Variants in CFAP54 observed in about 807,000 individuals in gnomAD.
The protein encoded by CFAP54 is cilia- and flagella-associated protein 54.
A neutral mutation model predicts 370.4 loss-of-function variants in CFAP54; 290 were observed. That is an observed-to-expected ratio of 0.78 (90% CI 0.71 to 0.86). CFAP54 has a LOEUF of 0.86. Among genes scored for constraint, CFAP54 ranks in the 40% least tolerant of loss-of-function variants. The pLI is 0.00. For synonymous variants in CFAP54, 1,206 were observed against 1,236.5 expected, an observed-to-expected ratio of 0.98 and a Z score of 0.52; for missense variants, 3,399 against 3,528.7, an observed-to-expected ratio of 0.96 and a Z score of 0.93.
At position 96,641,943 on chromosome 12, in the gene CFAP54, G is replaced by C. The variant is rs571257788; in HGVS notation, c.4317-2235G>C. Among the ~76,000 whole-genome samples, 6 of 111,410 alleles carry C rather than the reference G, an allele frequency of 5.4e-5. No individual in the cohort carries two copies. In the South Asian group the frequency reaches 1.8e-3, roughly 34 times the overall value. 73.1% of individuals were successfully genotyped at this position (111,410 alleles called of 152,430 possible). A position where few individuals can be genotyped will look rare whatever the true frequency, so the allele number is the denominator to read the frequency against. The stretch of plus-strand genomic sequence containing the variant: ...GGGCCTGTTGTGGGGTGGTGCGGGG[G>C]GGGAGGGATAGCATTAGGAGATATA... On this transcript the variant is annotated intron_variant, in intron 32 of 67. Transcript: ENST00000524981.
intron 55 of CFAP54, among the ~76,000 whole-genome samples, chr12:96,745,475 C>T (rs570791936): frequency 2.3e-4 from 35 of 152,018 alleles, no homozygotes; most frequent in African/African-American, 8.4e-4. Flanking sequence ...TGGCTGCATG[C>T]ATGTCTTTTG....
rs965518204 is a variant in CFAP54 at position 96,738,952 on chromosome 12, G to A, written c.6966-1004G>A. 1.3e-4 allele frequency among the ~76,000 whole-genome samples: 20 copies of A among 152,224 alleles called. 1 individual carries two copies. Among genetic ancestry groups the A allele is most frequent in the Admixed American group, 1.1e-3 (17 of 15,294 alleles). The stretch of plus-strand genomic sequence containing the variant: ...AGAAACAACAGTCATATTGGATTAC[G>A]ACCCAGCCTAATGTCCTCATTTTAA... On this transcript the variant is annotated intron_variant, in intron 50 of 67. Coordinates refer to ENST00000524981, the MANE Select transcript of CFAP54 (RefSeq NM_001306084.2).
At position 96,581,079 on chromosome 12, in the gene CFAP54, A is replaced by G. The variant is rs1452935585; in HGVS notation, c.3049A>G (p.Ile1017Val). Residue 1017 changes from isoleucine (I) to valine (V), a missense_variant, in exon 22 of 68, where the codon ATT becomes GTT. This residue lies in a region of CFAP54 where 2,796 missense variants were observed against 2,869.7 expected (regional missense o/e 0.97). Transcript: ENST00000524981. ...PILVYPPLST[I>V]TARMFLTQVA... ...TCTGGTTTATCCCCCTCTTTCTACT[A>G]TTACTGCTCGGATGTTCCTGACACA... is the stretch of plus-strand genomic sequence containing the variant. 4.0e-6 allele frequency: 6 copies of G among 1,516,088 alleles called. No homozygotes were observed. Among genetic ancestry groups the G allele is most frequent in the South Asian group, 2.5e-5 (2 of 80,974 alleles). The allele number at this position is 1,516,088 out of a possible 1,614,324, so 93.9% of individuals were successfully genotyped here. A position where few individuals can be genotyped will look rare whatever the true frequency, so the allele number is the denominator to read the frequency against.
intron 8 of CFAP54, among the ~76,000 whole-genome samples, chr12:96,525,143 ATAT>A (rs974023850): frequency 4.1e-5 from 6 of 147,252 alleles, no homozygotes; most frequent in African/African-American, 1.2e-4. Flanking sequence ...TATTATTTTG[ATAT>A]TATTATTTGT....
At chr12:96,521,503 C>CGTGTGTGTGTGTGT (rs10554608) in intron 6 of CFAP54, among the ~76,000 whole-genome samples, 3 of 129,580 alleles carry the variant, frequency 2.3e-5, no homozygotes, top group South Asian at 2.6e-4. Context: ...CAACTGAGGA[C>CGTGTGTGTGTGTGT]GTGTGTGTGT....
chr12:96,619,647 T>G (rs1391316786), intron 26 of CFAP54, among the ~76,000 whole-genome samples: 2 of 152,216 alleles, frequency 1.3e-5, no homozygotes, highest in Admixed American at 6.5e-5. Flanking sequence ...AAAAAATTCT[T>G]TATCATTTAT....
chr12:96,645,477 A>G (rs549493677), intron 33 of CFAP54: 95 of 175,262 alleles, frequency 5.4e-4, no homozygotes, highest in Non-Finnish European at 1.0e-3. Flanking sequence ...AGAACATTCC[A>G]TGCTTAGGGA....
At chr12:96,533,304 T>C (rs1297993627) in intron 9 of CFAP54, among the ~76,000 whole-genome samples, 1 of 152,210 alleles carries the variant, frequency 6.6e-6, no homozygotes, top group African/African-American at 2.4e-5. Context: ...TATGTGTTAC[T>C]GTTGAGTACT....
At chr12:96,679,793 G>A (rs745642055) in intron 40 of CFAP54, 41 bp downstream of exon 40, 5 of 1,593,618 alleles carry the variant, frequency 3.1e-6, no homozygotes, top group Non-Finnish European at 4.3e-6. Flanking sequence ...TTCTTTATGT[G>A]GGGTGACCAC....
At chr12:96,706,271 G>A (rs1268014203) in intron 47 of CFAP54, among the ~76,000 whole-genome samples, 1 of 152,152 alleles carries the variant, frequency 6.6e-6, no homozygotes, top group Admixed American at 6.5e-5. Flanking sequence ...AATAAATGCA[G>A]CTGTGCATAA....
At chr12:96,651,082 A>G (rs79457807) in intron 35 of CFAP54, among the ~76,000 whole-genome samples, 148 of 152,320 alleles carry the variant, frequency 9.7e-4, no homozygotes, top group African/African-American at 3.2e-3. Context: ...CTCAAATGCT[A>G]CCTCATCAGA....
At chr12:96,623,689 A>G in intron 27 of CFAP54, 78 bp from the exon 28 acceptor site, 1 of 695,654 alleles carries the variant, frequency 1.4e-6, no homozygotes, top group Non-Finnish European at 2.4e-6. Context: ...TGAAAACATA[A>G]TTTAAAGAAT....
intron 32 of CFAP54, among the ~76,000 whole-genome samples, chr12:96,635,960 T>C (rs1434250864): frequency 6.6e-6 from 1 of 152,078 alleles, no homozygotes; most frequent in East Asian, 1.9e-4. Flanking sequence ...TCAAGACTTT[T>C]CATAACCTGG....
At position 96,784,864 on chromosome 12, in the gene CFAP54, G is replaced by C; in HGVS notation, c.8429G>C (p.Arg2810Thr). 1 of 1,525,912 alleles carries C rather than the reference G, an allele frequency of 6.6e-7. No individual in the cohort carries two copies. The allele number at this position is 1,525,912 out of a possible 1,614,324, so 94.5% of individuals were successfully genotyped here. A position where few individuals can be genotyped will look rare whatever the true frequency, so the allele number is the denominator to read the frequency against. Residue 2810 changes from arginine (R) to threonine (T), a missense_variant, in exon 61 of 68, where the codon AGG (arginine) becomes ACG (threonine). Physicochemically the swap from Arg to Thr is moderately conservative, Grantham distance 71. Around this residue, in one of 3 missense-constraint regions of CFAP54, gnomAD observed 2,796 missense variants for 2,869.7 expected, o/e 0.97. Transcript: ENST00000524981. ...CTGCGCTACTATATTCACCTTCAGA[G>C]GATTAATAATCTGAGCAAACTGCTA... ...LLLRYYIHLQRINNLSKLLAS... is the reference protein window; with the variant it reads ...LLLRYYIHLQTINNLSKLLAS...
intron 66 of CFAP54, among the ~76,000 whole-genome samples, chr12:96,830,882 A>T (rs933942220): frequency 1.3e-5 from 2 of 151,762 alleles, no homozygotes; most frequent in African/African-American, 4.8e-5. Flanking sequence ...CACCATGTTG[A>T]CCAGGCTGTT....
At chr12:96,802,106 G>C (rs370201113) in intron 63 of CFAP54, among the ~76,000 whole-genome samples, 3 of 152,248 alleles carry the variant, frequency 2.0e-5, no homozygotes, top group East Asian at 3.9e-4. Context: ...TTCAGAACGA[G>C]TTTGAGTTGA....
intron 1 of CFAP54, 65 bp from the exon 2 acceptor site, chr12:96,500,769 C>G (rs1315488046): frequency 7.9e-6 from 9 of 1,145,698 alleles, no homozygotes; most frequent in African/African-American, 1.6e-5. Context: ...TAAAGGATTG[C>G]TTGCAAATTA....
chr12:96,596,314 G>A (rs1449170844), intron 25 of CFAP54, among the ~76,000 whole-genome samples: 1 of 152,114 alleles, frequency 6.6e-6, no homozygotes, highest in African/African-American at 2.4e-5. Context: ...CTAGAGAATG[G>A]ATTATAGCTA....
intron 15 of CFAP54, among the ~76,000 whole-genome samples, chr12:96,551,154 C>A (rs1955689488): frequency 7.2e-6 from 1 of 138,936 alleles, no homozygotes; most frequent in Non-Finnish European, 1.5e-5. Context: ...GCCTGTAGTC[C>A]TAGCTACTTG....
Sources: gnomAD v4.1 joint callset for allele counts (sites outside exome capture counted in the v4.1 genomes callset) on GRCh38, gnomAD v4.1.1 for gene constraint, gnomAD v4.1.1 regional missense constraint, MANE v1.5 for transcripts, NCBI Gene and HGNC (gene_info 2026-07-23, HGNC 2026-07-21) for gene names.